The following FHOD3 variants were observed in gnomAD, a reference collection of about 807,000 sequenced individuals.
FHOD3 encodes the protein FH1/FH2 domain-containing protein 3.
FHOD3 carries 90 observed loss-of-function variants against 173.0 expected under a neutral mutation model. That is an observed-to-expected ratio of 0.52 (90% CI 0.44 to 0.62). FHOD3 has a LOEUF of 0.62. FHOD3 is among the 20% of genes least tolerant of loss of function. The probability of loss-of-function intolerance (pLI) is 0.00; values close to 1 mark genes in which losing one functional copy is unlikely to be tolerated. For synonymous variants in FHOD3, 828 were observed against 823.0 expected (o/e 1.01, Z -0.10); for missense variants, 1,945 against 2,034.7 (o/e 0.96, Z 0.85).
chr18:36,609,270 G>C (rs769521172), intron 8 of FHOD3, among the ~76,000 whole-genome samples: 1 of 151,978 alleles, frequency 6.6e-6, no homozygotes, highest in Non-Finnish European at 1.5e-5. Context: ...GGACAACTTA[G>C]CAGCAGAGGC....
At chr18:36,633,534 G>A (rs1459856934) in intron 10 of FHOD3, among the ~76,000 whole-genome samples, 1 of 152,150 alleles carries the variant, frequency 6.6e-6, no homozygotes, top group East Asian at 1.9e-4. Context: ...CCATGAAGAA[G>A]GTAGGAGTAT....
At chr18:36,594,273 A>G (rs1196964422) in intron 6 of FHOD3, among the ~76,000 whole-genome samples, 4 of 152,188 alleles carry the variant, frequency 2.6e-5, no homozygotes, top group Middle Eastern at 6.8e-3. Context: ...CTATGGCTCC[A>G]GGCGGCCTTC....
chr18:36,664,470 C>A (rs1392389045), intron 14 of FHOD3, among the ~76,000 whole-genome samples: 1 of 152,120 alleles, frequency 6.6e-6, no homozygotes, highest in Non-Finnish European at 1.5e-5. Context: ...TGCGTTACAT[C>A]CAAAGCACGC....
intron 15 of FHOD3, among the ~76,000 whole-genome samples, chr18:36,686,618 C>T (rs2038634571): frequency 1.5e-5 from 2 of 130,298 alleles, no homozygotes; most frequent in African/African-American, 5.9e-5. Context: ...GACCTGCACA[C>T]CCCTCATGTA....
intron 5 of FHOD3, among the ~76,000 whole-genome samples, chr18:36,573,534 T>C (rs978033): frequency 0.99 from 151,289 of 152,254 alleles, 75,179 homozygotes; most frequent in East Asian, 1. Context: ...TGAGCCTGGG[T>C]GGATAAGGCT....
At chr18:36,491,527 G>A (rs1031046474) in intron 3 of FHOD3, among the ~76,000 whole-genome samples, 3 of 152,142 alleles carry the variant, frequency 2.0e-5, no homozygotes, top group Non-Finnish European at 4.4e-5. Flanking sequence ...TACAGAATAA[G>A]AGTTTCACTG....
At chr18:36,343,493 G>A (rs2045728457) in intron 1 of FHOD3, among the ~76,000 whole-genome samples, 1 of 152,166 alleles carries the variant, frequency 6.6e-6, no homozygotes, top group South Asian at 2.1e-4. Flanking sequence ...GGCATAATGG[G>A]AGGTGTTTGG....
intron 6 of FHOD3, among the ~76,000 whole-genome samples, chr18:36,591,923 A>G (rs952413960): frequency 3.3e-5 from 5 of 152,172 alleles, no homozygotes; most frequent in African/African-American, 1.2e-4. Flanking sequence ...ACCCTGTCTC[A>G]AATGAAACAA....
At position 36,718,513 on chromosome 18, in the gene FHOD3, T is replaced by G. The variant is rs745763304; in HGVS notation, c.3215T>G (p.Val1072Gly). The G allele has an allele frequency of 6.2e-7, 1 of 1,613,992 alleles. No individual in the cohort carries two copies. The highest frequency in any genetic ancestry group is 8.5e-7 in the Non-Finnish European group (1 of 1,180,006). Reference sequence around the variant, plus strand: ...CCTCAGGGCTTAGGGTGGTCCCAGGTACCCAGGGGTCAGCCCACATTCACT... The same window carrying G: ...CCTCAGGGCTTAGGGTGGTCCCAGGGACCCAGGGGTCAGCCCACATTCACT... ...NAPQGLGWSQ[V>G]PRGQPTFTKK... Residue 1072 changes from valine to glycine, a missense_variant, in exon 19 of 29, where the codon GTA (valine) becomes GGA (glycine). Around this residue, in one of 5 missense-constraint regions of FHOD3, gnomAD observed 1,099 missense variants for 1,051.2 expected, o/e 1.05. Coordinates refer to ENST00000590592, the MANE Select transcript of FHOD3 (RefSeq NM_001281740.3).
chr18:36,668,922 A>G (rs2037357071), intron 14 of FHOD3, among the ~76,000 whole-genome samples: 1 of 151,990 alleles, frequency 6.6e-6, no homozygotes, highest in Admixed American at 6.6e-5. Context: ...TGTGGCAAAT[A>G]TACTGTGTAA....
chr18:36,478,562 G>A (rs1344139950), intron 3 of FHOD3, among the ~76,000 whole-genome samples: 4 of 151,912 alleles, frequency 2.6e-5, no homozygotes, highest in Admixed American at 2.0e-4. Flanking sequence ...TGCCAATGTA[G>A]CCTCTTCTTA....
At chr18:36,453,616 G>A (rs1461358405) in intron 3 of FHOD3, among the ~76,000 whole-genome samples, 1 of 152,258 alleles carries the variant, frequency 6.6e-6, no homozygotes, top group African/African-American at 2.4e-5. Flanking sequence ...ACTGCCCACA[G>A]CCTTGAAGCA....
chr18:36,657,741 A>G (rs1035775712), intron 13 of FHOD3, among the ~76,000 whole-genome samples: 1 of 152,252 alleles, frequency 6.6e-6, no homozygotes, highest in Non-Finnish European at 1.5e-5. Context: ...AAAAATCTTC[A>G]TGGTTCAAGT....
chr18:36,743,524 A>C (rs2042009053), intron 22 of FHOD3, among the ~76,000 whole-genome samples: 1 of 152,180 alleles, frequency 6.6e-6, no homozygotes, highest in African/African-American at 2.4e-5. Flanking sequence ...TGCTTAAAGA[A>C]AAACAACTGT....
At chr18:36,347,458 A>G (rs573470033) in intron 1 of FHOD3, among the ~76,000 whole-genome samples, 21 of 152,332 alleles carry the variant, frequency 1.4e-4, no homozygotes, top group Non-Finnish European at 2.8e-4. Context: ...ACTTAAATAG[A>G]AATCTTGGGC....
intron 2 of FHOD3, among the ~76,000 whole-genome samples, chr18:36,359,037 C>G (rs1178289150): frequency 1.3e-5 from 2 of 152,142 alleles, no homozygotes; most frequent in African/African-American, 4.8e-5. Flanking sequence ...CTGTGTGTCT[C>G]CCATGAGTGG....
At position 36,681,435 on chromosome 18, in the gene FHOD3, G is replaced by A; in HGVS notation, c.1836-1G>A. 4 of 1,613,674 alleles carry A rather than the reference G, an allele frequency of 2.5e-6. No homozygotes were observed. Among genetic ancestry groups the A allele is most frequent in the Non-Finnish European group, 1.7e-6 (2 of 1,179,786 alleles). On this transcript the variant is annotated splice_acceptor_variant, in intron 14 of 28. Transcript: ENST00000590592. LOFTEE classifies it high-confidence loss of function. ...GAAACATTAACTCATTGTATCTCCAGGTCATCACCGAGTGGTCTTCTCACA... is the reference window on the plus strand; with the variant it reads ...GAAACATTAACTCATTGTATCTCCAAGTCATCACCGAGTGGTCTTCTCACA...
At chr18:36,704,368 G>A (rs1457755143) in intron 17 of FHOD3, among the ~76,000 whole-genome samples, 1 of 152,348 alleles carries the variant, frequency 6.6e-6, no homozygotes, top group Middle Eastern at 3.4e-3. Context: ...GGCATTCCTT[G>A]CCATGTCTTC....
chr18:36,756,692 C>A (rs1419250872), intron 25 of FHOD3, among the ~76,000 whole-genome samples: 1 of 152,184 alleles, frequency 6.6e-6, no homozygotes, highest in East Asian at 1.9e-4. Flanking sequence ...ATTTTAAGAA[C>A]CACGGGATAA....
Sources: allele counts gnomAD v4.1 joint callset (sites outside exome capture counted in the v4.1 genomes callset), GRCh38; gene constraint gnomAD v4.1.1; regional missense constraint gnomAD v4.1.1; transcripts MANE v1.5; gene names NCBI Gene and HGNC (gene_info 2026-07-23, HGNC 2026-07-21).